Variants in FABP3 observed in about 807,000 individuals in gnomAD.
The protein encoded by FABP3 is fatty acid binding protein 3.
FABP3 carries 8 observed loss-of-function variants against 13.4 expected under a neutral mutation model. The ratio of observed to expected loss-of-function variants is 0.60; its 90% confidence interval spans 0.35 to 1.07. The LOEUF (loss-of-function observed/expected upper bound fraction) is 1.07, where lower values mean the gene tolerates loss of function less well. FABP3 is among the 50% of genes least tolerant of loss of function. The pLI, the probability that FABP3 is intolerant of heterozygous loss-of-function variation, is 0.02. For missense variants in FABP3, 135 were observed against 164.7 expected, an observed-to-expected ratio of 0.82 and a Z score of 0.99; for synonymous variants, 64 against 60.0, an observed-to-expected ratio of 1.07 and a Z score of -0.31.
At position 31,365,601 on chromosome 1, in the gene FABP3, C is replaced by T; in HGVS notation, c.*285G>A. ...TTATTTCTGCCCACTCTCTGACACACAGGATAAACCAAGACTCCCAGAGTT... is the reference window on the plus strand; with the variant it reads ...TTATTTCTGCCCACTCTCTGACACATAGGATAAACCAAGACTCCCAGAGTT... On this transcript the variant is annotated 3_prime_UTR_variant, in exon 4 of 4. Transcript: ENST00000373713. The T allele has an allele frequency of 2.6e-6, 1 of 379,524 alleles. No homozygotes were observed. Among genetic ancestry groups the T allele is most frequent in the African/African-American group, 2.1e-5 (1 of 48,696 alleles). 23.5% of individuals were successfully genotyped at this position (379,524 alleles called of 1,614,324 possible).
At chr1:31,362,657 T>C (rs1345511754), downstream of FABP3, among the ~76,000 whole-genome samples, 1 of 152,174 alleles carries the variant, frequency 6.6e-6, no homozygotes, top group Non-Finnish European at 1.5e-5. Context: ...GGCTTATTAT[T>C]TGATGGCAGT....
At chr1:31,360,888 T>C (rs1639861209), downstream of FABP3, among the ~76,000 whole-genome samples, 1 of 152,188 alleles carries the variant, frequency 6.6e-6, no homozygotes, top group Non-Finnish European at 1.5e-5. Context: ...TATTGTAAGA[T>C]AAGGATGCAA....
In FABP3 at chr1:31,369,420, A is replaced by G. The variant is rs1444262695; in HGVS notation, c.211T>C (p.Phe71Leu). 9 of 1,613,366 alleles carry G rather than the reference A, an allele frequency of 5.6e-6. No individual in the cohort carries two copies. In the South Asian group the frequency reaches 8.8e-5, roughly 16 times the overall value. Residue 71 changes from phenylalanine to leucine, a missense_variant, in exon 2 of 4, where the codon TTC becomes CTC. By Grantham distance (22) the Phe-to-Leu change is conservative (BLOSUM62 0). Coordinates refer to ENST00000373713, the MANE Select transcript of FABP3 (RefSeq NM_004102.5). ...TEISFKLGVEFDETTADDRKV... is the reference protein window; with the variant it reads ...TEISFKLGVELDETTADDRKV... ...CTGTCATCTGCTGTTGTCTCATCGA[A>G]CTCCACCCCCAACTTAAAGCTGATC...
chr1:31,372,864 G>T, intron 1 of FABP3, 78 bp downstream of exon 1: 2 of 1,364,984 alleles, frequency 1.5e-6, no homozygotes, highest in Non-Finnish European at 2.1e-6. Flanking sequence ...GGAGGGATGC[G>T]GCAGGAGTGC....
At chr1:31,366,804 T>A (rs1471292150) in intron 3 of FABP3, among the ~76,000 whole-genome samples, 1 of 151,902 alleles carries the variant, frequency 6.6e-6, no homozygotes, top group East Asian at 1.9e-4. Flanking sequence ...AGCATGAAAA[T>A]GGGGTAGGAC....
At chr1:31,360,199 C>T in the FABP3 span, among the ~76,000 whole-genome samples, 67,875 of 150,466 alleles carry the variant, frequency 0.45, 18,785 homozygotes, top group Non-Finnish European at 0.62. Context: ...GACAGAGTTT[C>T]GCTCTTGTTG....
chr1:31,371,784 T>A (rs1342386921), intron 1 of FABP3, among the ~76,000 whole-genome samples: 2 of 152,170 alleles, frequency 1.3e-5, no homozygotes, highest in African/African-American at 2.4e-5. Context: ...TGCCTAGAAT[T>A]ACTGGGCATA....
At chr1:31,363,028 A>C (rs996114796), downstream of FABP3, among the ~76,000 whole-genome samples, 1 of 152,148 alleles carries the variant, frequency 6.6e-6, no homozygotes, top group African/African-American at 2.4e-5. Flanking sequence ...CACAGTTTAT[A>C]TCATGTGCAT....
intron 1 of FABP3, among the ~76,000 whole-genome samples, chr1:31,371,663 A>G (rs989349654): frequency 6.6e-6 from 1 of 152,212 alleles, no homozygotes. Context: ...TTCAAGACTC[A>G]GCTCTGGCCC....
Position 31,369,385 on chromosome 1 carries a change from C to T in FABP3, c.246G>A (p.Lys82=), listed in dbSNP as rs774014193. The T allele has an allele frequency of 6.2e-7, 1 of 1,613,988 alleles. No individual in the cohort carries two copies. ...CCCCACCCCTGTTTCCCTGACTTAC[C>T]TTGACCTTCCTGTCATCTGCTGTTG... ...DETTADDRKV[K]SIVTLDGGKL... is the part of the protein sequence containing the mutation. The change falls in exon 2 of 4, where the codon AAG becomes AAA. Residue 82 remains lysine, a splice_region_variant and synonymous_variant. Coordinates refer to ENST00000373713, the MANE Select transcript of FABP3 (RefSeq NM_004102.5).
At chr1:31,363,957 C>T, downstream of FABP3, 4 of 1,554,324 alleles carry the variant, frequency 2.6e-6, no homozygotes, top group Non-Finnish European at 3.5e-6. Flanking sequence ...GCCACTGCAC[C>T]TGGCCAATTA....
At chr1:31,369,837 G>A (rs1227816477) in intron 1 of FABP3, among the ~76,000 whole-genome samples, 5 of 152,198 alleles carry the variant, frequency 3.3e-5, no homozygotes, top group Non-Finnish European at 7.3e-5. Context: ...GCCAAGTGTG[G>A]TGGCTCACGC....
At chr1:31,369,172 A>G (rs780250596) in intron 2 of FABP3, 6 of 562,900 alleles carry the variant, frequency 1.1e-5, no homozygotes, top group Non-Finnish European at 1.9e-5. Context: ...ATGAATCCCA[A>G]GAAGGGAGGG....
chr1:31,372,308 A>G (rs549800973), intron 1 of FABP3, among the ~76,000 whole-genome samples: 2 of 152,222 alleles, frequency 1.3e-5, no homozygotes, highest in East Asian at 3.9e-4. Context: ...CACGAGGCTC[A>G]CAGACAGTGA....
Position 31,366,479 on chromosome 1 carries a change from G to C in FABP3, c.349-540C>G, listed in dbSNP as rs529347687. On this transcript the variant is annotated intron_variant, in intron 3 of 3. Transcript: ENST00000373713. ...CAGCTGCCACTGAGAATTTGGTCCT[G>C]CATATCACATCCCCACCAAAGCTAG... Among the ~76,000 whole-genome samples the C allele has an allele frequency of 1.5e-3, 230 of 152,270 alleles. 1 individual carries two copies. Among genetic ancestry groups the C allele is most frequent in the Middle Eastern group, 0.01 (3 of 294 alleles).
chr1:31,361,778 A>AG (rs892617024), downstream of FABP3, among the ~76,000 whole-genome samples: 3 of 149,834 alleles, frequency 2.0e-5, no homozygotes, highest in Non-Finnish European at 4.4e-5. Context: ...TTTTGGGGAG[A>AG]GGGGGAGATT....
chr1:31,364,131 G>T (rs1640039308), downstream of FABP3: 3 of 1,613,764 alleles, frequency 1.9e-6, no homozygotes, highest in Admixed American at 5.0e-5. Flanking sequence ...CACATCAAAA[G>T]ACAGCAAGGC....
chr1:31,365,701 A>G lies in FABP3; in HGVS notation c.*185T>C. 1.9e-6 allele frequency: 1 copy of G among 520,822 alleles called. No homozygotes were observed. The allele number at this position is 520,822 out of a possible 1,614,324, so 32.3% of individuals were successfully genotyped here. A position where few individuals can be genotyped will look rare whatever the true frequency, so the allele number is the denominator to read the frequency against. On this transcript the variant is annotated 3_prime_UTR_variant, in exon 4 of 4. Transcript: ENST00000373713. Reference sequence around the variant, plus strand: ...TGACCTCAGAGCACCCTATGAGTGCAGTTAAAAAAAAAAAAAAAAAACCAC... The same window carrying G: ...TGACCTCAGAGCACCCTATGAGTGCGGTTAAAAAAAAAAAAAAAAAACCAC...
At position 31,372,989 on chromosome 1, in the gene FABP3, C is replaced by T; in HGVS notation, c.26G>A (p.Trp9Ter). MVDAFLGT[W>*]KLVDSKNFDD... ...GAAATTCTTGCTGTCCACTAGCTTC[C>T]AGGTGCCCAGGAAAGCGTCCACCAT... is the stretch of plus-strand genomic sequence containing the variant. Residue 9 changes from tryptophan (W) to a stop codon, truncating the protein, a stop_gained, in exon 1 of 4, where the codon TGG becomes TAG. Transcript: ENST00000373713. LOFTEE classifies it high-confidence loss of function. 1 of 1,614,066 alleles carries T rather than the reference C, an allele frequency of 6.2e-7. No individual in the cohort carries two copies. The highest frequency in any genetic ancestry group is 8.5e-7 in the Non-Finnish European group (1 of 1,180,040).
Sources: gnomAD v4.1 joint callset for allele counts (sites outside exome capture counted in the v4.1 genomes callset) on GRCh38, gnomAD v4.1.1 for gene constraint, MANE v1.5 for transcripts, NCBI Gene and HGNC (gene_info 2026-07-23, HGNC 2026-07-21) for gene names.